Variants in NUAK1 observed in about 807,000 individuals in gnomAD.
The protein encoded by NUAK1 is NUAK family kinase 1, also known as NUAK family SNF1-like kinase 1.
A neutral mutation model predicts 56.9 loss-of-function variants in NUAK1; 26 were observed. That is an observed-to-expected ratio of 0.46 (90% CI 0.33 to 0.63). The LOEUF is 0.63. Among genes scored for constraint, NUAK1 ranks in the 30% least tolerant of loss-of-function variants. The probability of loss-of-function intolerance (pLI) is 0.02; values close to 1 mark genes in which losing one functional copy is unlikely to be tolerated. For synonymous variants in NUAK1, 337 were observed against 336.0 expected, an observed-to-expected ratio of 1.00 and a Z score of -0.03; for missense variants, 727 against 876.1, an observed-to-expected ratio of 0.83 and a Z score of 2.15.
intron 4 of NUAK1, among the ~76,000 whole-genome samples, chr12:106,082,979 C>T (rs1244269626): frequency 1.3e-5 from 2 of 152,154 alleles, no homozygotes; most frequent in Non-Finnish European, 2.9e-5. Flanking sequence ...ACCCATGCAG[C>T]GAGCTCCGTT....
chr12:106,115,417 T>C (rs902150168), intron 1 of NUAK1, among the ~76,000 whole-genome samples: 5 of 152,214 alleles, frequency 3.3e-5, no homozygotes, highest in South Asian at 2.1e-4. Flanking sequence ...AACTGATTTA[T>C]AGCAATGTAC....
At chr12:106,133,061 G>A (rs1385260682) in intron 1 of NUAK1, among the ~76,000 whole-genome samples, 1 of 152,102 alleles carries the variant, frequency 6.6e-6, no homozygotes, top group Non-Finnish European at 1.5e-5. Flanking sequence ...CATGTTATAA[G>A]CACTCAAGAA....
Position 106,067,626 on chromosome 12 carries a change from T to C in NUAK1, c.1162A>G (p.Ser388Gly). The change falls in exon 7 of 7, where the codon AGC (serine) becomes GGC (glycine). Residue 388 changes from serine (S) to glycine (G), a missense_variant. Transcript: ENST00000261402. This position sits in a 1 kb window ranked among gnomAD's most constrained non-coding sequence, Gnocchi z 6.0. ...AQSGQDAVPE[S>G]PSKLSSKRPK... The stretch of plus-strand genomic sequence containing the variant: ...CTCTTAGAACTCAACTTGGATGGGC[T>C]TTCAGGCACTGCATCCTGACCAGAC... 2.5e-6 allele frequency: 4 copies of C among 1,614,228 alleles called. No homozygotes were observed. Among genetic ancestry groups the C allele is most frequent in the Non-Finnish European group, 3.4e-6 (4 of 1,180,040 alleles).
chr12:106,130,613 G>A (rs1263173507), intron 1 of NUAK1, among the ~76,000 whole-genome samples: 2 of 152,212 alleles, frequency 1.3e-5, no homozygotes, highest in Non-Finnish European at 2.9e-5. Context: ...GCCAAGCAGG[G>A]ATGTGCAGAT....
chr12:106,066,096 C>G lies in NUAK1; in HGVS notation c.*706G>C, dbSNP rs542866199. 6.6e-6 allele frequency: 1 copy of G among 152,404 alleles called. No homozygotes were observed. Among genetic ancestry groups the G allele is most frequent in the Non-Finnish European group, 1.5e-5 (1 of 68,114 alleles). 9.4% of individuals were successfully genotyped at this position (152,404 alleles called of 1,614,324 possible). Reference sequence around the variant, plus strand: ...AAGTTGAGTAGCAAATTAACAAATGCCTCACCAGTGGCATGAAAGAGTTAA... The same window carrying G: ...AAGTTGAGTAGCAAATTAACAAATGGCTCACCAGTGGCATGAAAGAGTTAA... On this transcript the variant is annotated 3_prime_UTR_variant, in exon 7 of 7. Transcript: ENST00000261402.
Position 106,066,216 on chromosome 12 carries a change from C to G in NUAK1, c.*586G>C, listed in dbSNP as rs551072969. ...CATTAGTGCTACTGCTTCCCCTTCC[C>G]TTTCCCGTGGTAGCCATTACTAGTC... On this transcript the variant is annotated 3_prime_UTR_variant, in exon 7 of 7. Transcript: ENST00000261402. The G allele has an allele frequency of 7.0e-5, 11 of 156,566 alleles. No homozygotes were observed. Among genetic ancestry groups the G allele is most frequent in the African/African-American group, 2.6e-4 (11 of 41,586 alleles). The allele number at this position is 156,566 out of a possible 1,614,324, so 9.7% of individuals were successfully genotyped here.
chr12:106,122,426 G>A (rs2032986912), intron 1 of NUAK1, among the ~76,000 whole-genome samples: 1 of 152,152 alleles, frequency 6.6e-6, no homozygotes, highest in Admixed American at 6.5e-5. Context: ...GGATGATAAT[G>A]GTGTTCACCT....
At chr12:106,135,301 T>C (rs2033118877) in intron 1 of NUAK1, among the ~76,000 whole-genome samples, 1 of 152,216 alleles carries the variant, frequency 6.6e-6, no homozygotes, top group Non-Finnish European at 1.5e-5. Flanking sequence ...TGAGTCCTGG[T>C]CTCACGGACA....
chr12:106,103,273 A>C (rs1472369318), intron 2 of NUAK1: 1 of 152,104 alleles, frequency 6.6e-6, no homozygotes, highest in Non-Finnish European at 1.5e-5. Flanking sequence ...CTGAGAATGC[A>C]CTCTCTTTCC....
intron 4 of NUAK1, among the ~76,000 whole-genome samples, chr12:106,081,346 T>C (rs2032516172): frequency 1.3e-5 from 2 of 152,196 alleles, no homozygotes; most frequent in African/African-American, 4.8e-5. Flanking sequence ...CTAAGTAGGA[T>C]TCCTTGAACA....
At chr12:106,111,128 T>C (rs895725545) in intron 1 of NUAK1, among the ~76,000 whole-genome samples, 1 of 152,048 alleles carries the variant, frequency 6.6e-6, no homozygotes, top group Non-Finnish European at 1.5e-5. Flanking sequence ...ACCTGTAAAA[T>C]GGGGTTACAA....
chr12:106,113,177 G>C (rs1446366130), intron 1 of NUAK1, among the ~76,000 whole-genome samples: 1 of 152,132 alleles, frequency 6.6e-6, no homozygotes, highest in Non-Finnish European at 1.5e-5. Flanking sequence ...ATTGCAAGTG[G>C]TGATGCCACA....
intron 1 of NUAK1, among the ~76,000 whole-genome samples, chr12:106,116,580 C>T (rs1432711694): frequency 2.0e-5 from 3 of 152,188 alleles, no homozygotes; most frequent in Non-Finnish European, 4.4e-5. Context: ...AGTTAAGTAA[C>T]GTGCCCTAAG....
chr12:106,108,821 C>T (rs2032830627), intron 1 of NUAK1, among the ~76,000 whole-genome samples: 1 of 152,110 alleles, frequency 6.6e-6, no homozygotes, highest in Non-Finnish European at 1.5e-5. Flanking sequence ...AAAATAGGCC[C>T]ACTTGCTGAT....
intron 1 of NUAK1, among the ~76,000 whole-genome samples, chr12:106,109,412 C>T (rs1186193255): frequency 6.6e-6 from 1 of 152,090 alleles, no homozygotes; most frequent in Non-Finnish European, 1.5e-5. Context: ...ACACTTATGG[C>T]CACCTCCCTC....
At chr12:106,108,341 T>A (rs1462735459) in intron 1 of NUAK1, among the ~76,000 whole-genome samples, 2 of 152,124 alleles carry the variant, frequency 1.3e-5, no homozygotes, top group Non-Finnish European at 2.9e-5. Flanking sequence ...AGGCTCCACC[T>A]CCCTTCGACC....
intron 1 of NUAK1, among the ~76,000 whole-genome samples, chr12:106,136,243 G>A (rs1362349992): frequency 1.3e-5 from 2 of 152,154 alleles, no homozygotes; most frequent in African/African-American, 2.4e-5. Context: ...TAATTTTGGG[G>A]TAAAACAAGA....
At chr12:106,129,408 T>C (rs1435291730) in intron 1 of NUAK1, among the ~76,000 whole-genome samples, 1 of 152,256 alleles carries the variant, frequency 6.6e-6, no homozygotes, top group Admixed American at 6.5e-5. Flanking sequence ...GGCTACAGGC[T>C]GGGCTGCAGT....
chr12:106,105,866 G>A (rs779846986), intron 2 of NUAK1: 3 of 152,342 alleles, frequency 2.0e-5, no homozygotes, highest in Non-Finnish European at 2.9e-5. Context: ...GTCTGTATAA[G>A]CTTTTCCCCA....
Sources: gnomAD v4.1 joint callset for allele counts (sites outside exome capture counted in the v4.1 genomes callset) on GRCh38, gnomAD v4.1.1 for gene constraint, Gnocchi (gnomAD v3.1) non-coding constraint, MANE v1.5 for transcripts, NCBI Gene and HGNC (gene_info 2026-07-23, HGNC 2026-07-21) for gene names.